The following PALM2AKAP2 variants were observed in gnomAD, a reference collection of about 807,000 sequenced individuals.
The protein encoded by PALM2AKAP2 is PALM2 and AKAP2 fusion.
Under a neutral mutation model 71.5 loss-of-function variants are expected in PALM2AKAP2, and 37 were observed. The ratio of observed to expected loss-of-function variants is 0.52; its 90% CI spans 0.40 to 0.68. PALM2AKAP2 has a LOEUF of 0.68. Ranked by LOEUF, PALM2AKAP2 falls within the 30% of genes least tolerant of loss-of-function variation. The pLI is 0.00. For missense variants in PALM2AKAP2, 1,224 were observed against 1,191.8 expected, an observed-to-expected ratio of 1.03 and a Z score of -0.40; for synonymous variants, 468 against 478.8, an observed-to-expected ratio of 0.98 and a Z score of 0.29.
intron 1 of PALM2AKAP2, among the ~76,000 whole-genome samples, chr9:109,848,646 C>T (rs558383543): frequency 3.3e-5 from 5 of 152,024 alleles, no homozygotes; most frequent in South Asian, 4.2e-4. Flanking sequence ...TTCTGTGTTA[C>T]AAGAATTGAC....
intron 1 of PALM2AKAP2, among the ~76,000 whole-genome samples, chr9:109,732,647 C>G (rs564509913): frequency 6.6e-6 from 1 of 152,072 alleles, no homozygotes; most frequent in Middle Eastern, 3.2e-3. Context: ...TGATTACCTT[C>G]TAGTTGGGGA....
intron 1 of PALM2AKAP2, chr9:110,090,323 C>T (rs534244175): frequency 5.9e-5 from 27 of 456,224 alleles, no homozygotes; most frequent in African/African-American, 3.8e-4. Flanking sequence ...GAAACTGGGA[C>T]GAAGCTGTAG....
chr9:110,137,742 A>G, exon 2 of PALM2AKAP2: 1 of 1,614,210 alleles, frequency 6.2e-7, no homozygotes, highest in Non-Finnish European at 8.5e-7. Flanking sequence ...AACATCAGTG[A>G]CAGCGGGGCA....
chr9:109,712,476 GT>G (rs1056604266), intron 1 of PALM2AKAP2, among the ~76,000 whole-genome samples: 7 of 152,162 alleles, frequency 4.6e-5, no homozygotes, highest in African/African-American at 1.7e-4. Flanking sequence ...CCAATGACGT[GT>G]TTTTTCCAAT....
At chr9:110,108,269 G>A (rs1340978395) in intron 1 of PALM2AKAP2, among the ~76,000 whole-genome samples, 4 of 151,780 alleles carry the variant, frequency 2.6e-5, no homozygotes, top group South Asian at 4.2e-4. Context: ...CTGCCACCAC[G>A]CCCAGCTAAT....
intron 7 of PALM2AKAP2, among the ~76,000 whole-genome samples, chr9:110,023,070 T>C (rs1408604669): frequency 6.6e-6 from 1 of 151,854 alleles, no homozygotes; most frequent in African/African-American, 2.4e-5. Flanking sequence ...GCAGCATGAT[T>C]TATAATCCTT....
intron 7 of PALM2AKAP2, among the ~76,000 whole-genome samples, chr9:110,037,177 T>TC: frequency 6.7e-6 from 1 of 149,594 alleles, no homozygotes; most frequent in South Asian, 2.1e-4. Flanking sequence ...GGACTTTCCT[T>TC]TTTTTTTTTC....
At chr9:109,927,426 AAC>A (rs1390307853) in intron 5 of PALM2AKAP2, among the ~76,000 whole-genome samples, 2 of 152,236 alleles carry the variant, frequency 1.3e-5, no homozygotes, top group Non-Finnish European at 2.9e-5. Context: ...TGACTTAAGA[AAC>A]ACAGTTAATT....
intron 7 of PALM2AKAP2, among the ~76,000 whole-genome samples, chr9:110,043,243 T>C (rs1833538384): frequency 6.6e-6 from 1 of 152,190 alleles, no homozygotes. Context: ...TATAGGGGGT[T>C]ACAAGAAGTG....
At chr9:110,134,162 G>A (rs559361777) in intron 1 of PALM2AKAP2, among the ~76,000 whole-genome samples, 4 of 151,954 alleles carry the variant, frequency 2.6e-5, no homozygotes, top group African/African-American at 4.8e-5. Flanking sequence ...ATGCCCACCT[G>A]TAGTCCTAAG....
intron 2 of PALM2AKAP2, among the ~76,000 whole-genome samples, chr9:109,876,142 T>C (rs1046073174): frequency 3.9e-5 from 6 of 152,210 alleles, no homozygotes; most frequent in African/African-American, 1.2e-4. Context: ...GAGAAAAGTT[T>C]TTTTTAATTT....
At chr9:109,694,620 T>C (rs926469128) in intron 1 of PALM2AKAP2, among the ~76,000 whole-genome samples, 2 of 152,076 alleles carry the variant, frequency 1.3e-5, no homozygotes, top group South Asian at 4.1e-4. Context: ...CAGCTGTCTA[T>C]TCATATTATA....
At chr9:110,084,418 T>A (rs1261987751) in intron 1 of PALM2AKAP2, among the ~76,000 whole-genome samples, 3 of 152,130 alleles carry the variant, frequency 2.0e-5, no homozygotes. Flanking sequence ...ATGCCAACAA[T>A]GGAAAAATCA....
chr9:109,766,646 A>G (rs1321060877), intron 1 of PALM2AKAP2, among the ~76,000 whole-genome samples: 1 of 152,210 alleles, frequency 6.6e-6, no homozygotes, highest in Non-Finnish European at 1.5e-5. Context: ...AGAAATAGTG[A>G]GTCATTTAAA....
At chr9:110,137,189 A>G (rs1206722903) in exon 2 of PALM2AKAP2, 2 of 1,613,928 alleles carry the variant, frequency 1.2e-6, no homozygotes, top group Non-Finnish European at 1.7e-6. Context: ...GGACATTGTC[A>G]CAGAGCAGAT....
chr9:110,039,348 T>TG (rs1055997394), intron 7 of PALM2AKAP2, among the ~76,000 whole-genome samples: 9 of 151,978 alleles, frequency 5.9e-5, no homozygotes, highest in Non-Finnish European at 1.3e-4. Flanking sequence ...ACAAGAAAAA[T>TG]TTTTTTTGAT....
intron 7 of PALM2AKAP2, among the ~76,000 whole-genome samples, chr9:110,019,562 G>A (rs1833037050): frequency 6.6e-6 from 1 of 152,180 alleles, no homozygotes. Context: ...TTCATCAGCG[G>A]TAGACTGGAT....
intron 1 of PALM2AKAP2, among the ~76,000 whole-genome samples, chr9:110,074,762 G>A (rs1349842625): frequency 6.6e-6 from 1 of 152,152 alleles, no homozygotes; most frequent in Non-Finnish European, 1.5e-5. Flanking sequence ...CAGCACATTG[G>A]GAGGCTGAGG....
intron 1 of PALM2AKAP2, among the ~76,000 whole-genome samples, chr9:110,105,070 T>A (rs1242497842): frequency 6.6e-6 from 1 of 152,244 alleles, no homozygotes; most frequent in Non-Finnish European, 1.5e-5. Context: ...GAAACAAAGT[T>A]GGCCAGAGGA....
Sources: allele counts gnomAD v4.1 joint callset (sites outside exome capture counted in the v4.1 genomes callset), GRCh38; gene constraint gnomAD v4.1.1; transcripts MANE v1.5; gene names NCBI Gene and HGNC (gene_info 2026-07-23, HGNC 2026-07-21).